The following GPCPD1 variants were observed in gnomAD, a reference collection of about 807,000 sequenced individuals.
GPCPD1 encodes glycerophosphocholine phosphodiesterase GPCPD1.
Under a neutral mutation model 89.2 loss-of-function variants are expected in GPCPD1, and 29 were observed. The observed-to-expected ratio is 0.33, with a 90% confidence interval of 0.24 to 0.44. The LOEUF (loss-of-function observed/expected upper bound fraction) is 0.44, where lower values mean the gene tolerates loss of function less well. Among genes scored for constraint, GPCPD1 ranks in the 20% least tolerant of loss-of-function variants. The pLI is 1.00. For missense variants in GPCPD1, 594 were observed against 808.9 expected (o/e 0.73, Z 3.22); for synonymous variants, 258 against 266.3 (o/e 0.97, Z 0.30).
chr20:5,582,750 G>A (rs1046348750), intron 6 of GPCPD1, among the ~76,000 whole-genome samples: 1 of 151,896 alleles, frequency 6.6e-6, no homozygotes, highest in African/African-American at 2.4e-5. Flanking sequence ...TTAGCCAGGC[G>A]TGATGACACT....
In GPCPD1 at chr20:5,593,372, T is replaced by C. The variant is rs764533855; in HGVS notation, c.186A>G (p.Val62=). The change falls in exon 4 of 20, where the codon GTA becomes GTG. Residue 62 remains valine, a synonymous_variant. Transcript: ENST00000379019. ...CTTTGAAGTAGCGATACTGAACTGA[T>C]ACTCCTCTACTGAGTACAATGGTTG... ...WKATIVLSRG[V]SVQYRYFKGY... 1 of 1,599,250 alleles carries C rather than the reference T, an allele frequency of 6.3e-7. No homozygotes were observed. The highest frequency in any genetic ancestry group is 8.6e-7 in the Non-Finnish European group (1 of 1,166,828).
chr20:5,569,132 T>G (rs1986563452), intron 12 of GPCPD1, among the ~76,000 whole-genome samples: 1 of 150,334 alleles, frequency 6.7e-6, no homozygotes, highest in South Asian at 2.2e-4. Flanking sequence ...CCTTTCTTCC[T>G]TCTTTCTCCT....
Position 5,580,062 on chromosome 20 carries a change from G to C in GPCPD1, c.419C>G (p.Ser140Cys), listed in dbSNP as rs1264421543. Residue 140 changes from serine (S) to cysteine (C), a missense_variant, in exon 7 of 20, where the codon TCT becomes TGT. Transcript: ENST00000379019. ...GGTTATTGACACAGGAGGTTTTTCA[G>C]AATAATGCAAACGTAATCTTATTTC... Reference protein sequence around the residue: ...QTEIRLRLHYSEKPPVSITKK... With the variant: ...QTEIRLRLHYCEKPPVSITKK... 6.6e-7 allele frequency: 1 copy of C among 1,509,390 alleles called. No individual in the cohort carries two copies. Among genetic ancestry groups the C allele is most frequent in the African/African-American group, 1.4e-5 (1 of 72,770 alleles). 93.5% of individuals were successfully genotyped at this position (1,509,390 alleles called of 1,614,324 possible).
chr20:5,601,944 G>A (rs1980189026), intron 2 of GPCPD1, among the ~76,000 whole-genome samples: 1 of 152,088 alleles, frequency 6.6e-6, no homozygotes, highest in South Asian at 2.1e-4. Flanking sequence ...TTCTTTAATT[G>A]GCTCTCAGTT....
At chr20:5,568,928 T>A (rs1292658091) in intron 12 of GPCPD1, among the ~76,000 whole-genome samples, 1 of 152,006 alleles carries the variant, frequency 6.6e-6, no homozygotes, top group Non-Finnish European at 1.5e-5. Context: ...ATAAATAAAT[T>A]GCAGCTAGAT....
chr20:5,597,920 G>T (rs1286211121), intron 3 of GPCPD1, among the ~76,000 whole-genome samples: 1 of 152,026 alleles, frequency 6.6e-6, no homozygotes, highest in Non-Finnish European at 1.5e-5. Context: ...TCCACTCTCT[G>T]CTCCTTTTAA....
rs1568633782 is a variant in GPCPD1, at chr20:5,544,595, C to T, written c.*3066G>A. The T allele has an allele frequency of 2.0e-5, 3 of 152,226 alleles. No individual in the cohort carries two copies. Among genetic ancestry groups the T allele is most frequent in the African/African-American group, 2.4e-5 (1 of 41,442 alleles). The allele number at this position is 152,226 out of a possible 1,614,324, so 9.4% of individuals were successfully genotyped here. A position where few individuals can be genotyped will look rare whatever the true frequency, so the allele number is the denominator to read the frequency against. On this transcript the variant is annotated 3_prime_UTR_variant, in exon 20 of 20. Coordinates refer to ENST00000379019, the MANE Select transcript of GPCPD1 (RefSeq NM_019593.5). Reference sequence around the variant, plus strand: ...AAGCTGGACTACAAGGAAGCATGAGCTAACAAATGCCAGACTTCGGAAGGC... The same window carrying T: ...AAGCTGGACTACAAGGAAGCATGAGTTAACAAATGCCAGACTTCGGAAGGC...
At chr20:5,609,592 AGATTC>A (rs1185148769) in intron 1 of GPCPD1, among the ~76,000 whole-genome samples, 3 of 152,156 alleles carry the variant, frequency 2.0e-5, no homozygotes, top group African/African-American at 4.8e-5. Context: ...TCATACGTAA[AGATTC>A]GATTCATCAA....
chr20:5,552,053 C>T (rs907068679), intron 19 of GPCPD1, among the ~76,000 whole-genome samples: 4 of 152,216 alleles, frequency 2.6e-5, no homozygotes, highest in South Asian at 2.1e-4. Context: ...TGAGGGGACA[C>T]GGTCTCAGCC....
chr20:5,567,450 G>A, intron 13 of GPCPD1, 33 bp downstream of exon 13: 1 of 1,549,876 alleles, frequency 6.5e-7, no homozygotes, highest in Non-Finnish European at 8.6e-7. Flanking sequence ...CTAAAGCTAA[G>A]GGATAATTTA....
chr20:5,608,641 T>C (rs1207679649), intron 1 of GPCPD1, among the ~76,000 whole-genome samples: 1 of 151,910 alleles, frequency 6.6e-6, no homozygotes, highest in African/African-American at 2.4e-5. Flanking sequence ...AAATCACAAC[T>C]TGGAAAGGGA....
intron 5 of GPCPD1, chr20:5,585,910 A>G: frequency 3.5e-6 from 1 of 287,592 alleles, no homozygotes; most frequent in Non-Finnish European, 6.4e-6. Flanking sequence ...GGTATCTTAT[A>G]AACTTCCTAA....
intron 15 of GPCPD1, among the ~76,000 whole-genome samples, chr20:5,564,015 A>G (rs959240784): frequency 6.6e-6 from 1 of 152,074 alleles, no homozygotes; most frequent in East Asian, 1.9e-4. Context: ...TTGCCTAAGA[A>G]ATCTACTATA....
chr20:5,559,039 C>A (rs185162227), intron 17 of GPCPD1, among the ~76,000 whole-genome samples: 1 of 151,910 alleles, frequency 6.6e-6, no homozygotes, highest in Non-Finnish European at 1.5e-5. Flanking sequence ...CCCATCTCTA[C>A]TAAAAATACA....
At chr20:5,591,571 C>T (rs770104193) in intron 4 of GPCPD1, among the ~76,000 whole-genome samples, 4 of 152,174 alleles carry the variant, frequency 2.6e-5, no homozygotes, top group African/African-American at 7.2e-5. Context: ...TATTTGTTTT[C>T]CTATCATTCT....
At chr20:5,585,563 T>C (rs1394546550) in intron 5 of GPCPD1, 1 of 147,130 alleles carries the variant, frequency 6.8e-6, no homozygotes, top group African/African-American at 2.5e-5. Context: ...TGAAGAGAAA[T>C]GCCATATTTA....
chr20:5,593,181 T>C, intron 4 of GPCPD1, 146 bp downstream of exon 4: 1 of 522,188 alleles, frequency 1.9e-6, no homozygotes, highest in Non-Finnish European at 3.5e-6. Context: ...GGCTACTTCC[T>C]TGGTTTTGGT....
chr20:5,560,076 C>T lies in GPCPD1; in HGVS notation c.1396G>A (p.Asp466Asn). 1 of 1,536,982 alleles carries T rather than the reference C, an allele frequency of 6.5e-7. No homozygotes were observed. Among genetic ancestry groups the T allele is most frequent in the Non-Finnish European group, 8.7e-7 (1 of 1,145,490 alleles). Residue 466 changes from aspartate (D) to asparagine (N), a missense_variant and splice_region_variant, in exon 17 of 20, where the codon GAT becomes AAT. Asp to Asn is a conservative substitution (Grantham distance 23, BLOSUM62 1). Transcript: ENST00000379019. The stretch of plus-strand genomic sequence containing the variant: ...GATAAGTTACCATCCCACATTCCAT[C>T]CTAGTGAAAGAGAAAGCAAAATAAA... ...IEIKWICQQR[D>N]GMWDGNLSTY...
At chr20:5,568,800 C>T (rs6116851) in intron 12 of GPCPD1, among the ~76,000 whole-genome samples, 22,505 of 152,018 alleles carry the variant, frequency 0.15, 1,878 homozygotes, top group Middle Eastern at 0.21. Context: ...GCAGTCCTAG[C>T]TACTTAGGAG....
Sources: gnomAD v4.1 joint callset for allele counts (sites outside exome capture counted in the v4.1 genomes callset) on GRCh38, gnomAD v4.1.1 for gene constraint, MANE v1.5 for transcripts, NCBI Gene and HGNC (gene_info 2026-07-23, HGNC 2026-07-21) for gene names.